CPVL: variants seen among roughly 807,000 people sequenced by gnomAD.
The protein encoded by CPVL is carboxypeptidase vitellogenic like, also known as probable serine carboxypeptidase CPVL.
CPVL carries 51 observed loss-of-function variants against 63.7 expected under a neutral mutation model. The ratio of observed to expected loss-of-function variants is 0.80; its 90% CI spans 0.64 to 1.01. The LOEUF (loss-of-function observed/expected upper bound fraction) is 1.01. Ranked by LOEUF, CPVL falls within the 50% of genes least tolerant of loss-of-function variation. The pLI, the probability that CPVL is intolerant of heterozygous loss-of-function variation, is 0.00. For missense variants in CPVL, 530 were observed against 573.1 expected (o/e 0.92, Z 0.77); for synonymous variants, 195 against 206.0 (o/e 0.95, Z 0.46).
chr7:29,072,826 C>T (rs897321945), intron 7 of CPVL, among the ~76,000 whole-genome samples: 1 of 152,112 alleles, frequency 6.6e-6, no homozygotes. Context: ...GATAATGCTG[C>T]AAATTTTGAA....
At chr7:29,138,575 G>T (rs1255180427) in intron 1 of CPVL, among the ~76,000 whole-genome samples, 1 of 152,110 alleles carries the variant, frequency 6.6e-6, no homozygotes, top group East Asian at 1.9e-4. Flanking sequence ...GTGGACAGTG[G>T]TGCCATTAAC....
rs368971030 is a variant in CPVL, at chr7:29,072,296, C to T, written c.732+5G>A. Reference sequence around the variant, plus strand: ...CAAAATAGAAAGTCAGAAGGAGAAACCTACTGATTCGGGATCAGAATATCC... The same window carrying T: ...CAAAATAGAAAGTCAGAAGGAGAAATCTACTGATTCGGGATCAGAATATCC... On this transcript the variant is annotated splice_donor_5th_base_variant and intron_variant, in intron 8 of 12. Transcript: ENST00000265394. The T allele has an allele frequency of 4.4e-5, 71 of 1,613,754 alleles. 1 individual carries two copies. The East Asian group carries it at 6.9e-4, about 16-fold the overall frequency.
chr7:29,051,941 T>G (rs1388223606), intron 11 of CPVL, among the ~76,000 whole-genome samples: 1 of 85,632 alleles, frequency 1.2e-5, no homozygotes, highest in Non-Finnish European at 3.1e-5. Context: ...TCCAAATATA[T>G]ATATGAATAT....
intron 3 of CPVL, among the ~76,000 whole-genome samples, chr7:29,104,792 T>C (rs4722887): frequency 0.1 from 15,404 of 152,290 alleles, 943 homozygotes; most frequent in Middle Eastern, 0.16. Flanking sequence ...AGTGGGCGGA[T>C]GCAGGGAGGT....
At chr7:29,057,125 A>G (rs1584123490) in intron 11 of CPVL, among the ~76,000 whole-genome samples, 1 of 151,312 alleles carries the variant, frequency 6.6e-6, no homozygotes, top group African/African-American at 2.4e-5. Context: ...TAATAAATTA[A>G]TTAATTATTT....
intron 12 of CPVL, among the ~76,000 whole-genome samples, chr7:29,017,692 T>A (rs2128140411): frequency 1.3e-5 from 2 of 152,320 alleles, no homozygotes; most frequent in Middle Eastern, 6.8e-3. Flanking sequence ...TAGGAGGTGG[T>A]CACCTTGGGT....
upstream of CPVL, among the ~76,000 whole-genome samples, chr7:29,149,718 C>T (rs1793323576): frequency 6.6e-6 from 1 of 152,080 alleles, no homozygotes; most frequent in Non-Finnish European, 1.5e-5. Flanking sequence ...TCCTTCCTCG[C>T]TGCTTCTAGG....
intron 9 of CPVL, among the ~76,000 whole-genome samples, chr7:29,069,841 T>A (rs941336041): frequency 6.8e-6 from 1 of 147,682 alleles, no homozygotes; most frequent in Non-Finnish European, 1.5e-5. Flanking sequence ...TGTAAATGCA[T>A]AGGGACAGTA....
chr7:29,071,942 G>C, intron 8 of CPVL, 38 bp from the exon 9 acceptor site: 1 of 1,611,556 alleles, frequency 6.2e-7, no homozygotes, highest in South Asian at 1.1e-5. Context: ...GTGACAAAGG[G>C]AGAGAAAGAG....
intron 1 of CPVL, among the ~76,000 whole-genome samples, chr7:29,188,919 C>G (rs1487004263): frequency 6.6e-6 from 1 of 151,692 alleles, no homozygotes; most frequent in Non-Finnish European, 1.5e-5. Flanking sequence ...GTAGGATCCC[C>G]CACAGCAAGG....
chr7:29,186,977 T>C (rs1466875741), intron 1 of CPVL, among the ~76,000 whole-genome samples: 1 of 152,142 alleles, frequency 6.6e-6, no homozygotes, highest in Non-Finnish European at 1.5e-5. Flanking sequence ...TTTCCCCAAA[T>C]GGAAAATGAG....
At chr7:29,162,679 AAG>A (rs1157035985) in intron 5 of CPVL, among the ~76,000 whole-genome samples, 1 of 151,898 alleles carries the variant, frequency 6.6e-6, no homozygotes, top group Non-Finnish European at 1.5e-5. Flanking sequence ...AAAAAAAAAA[AAG>A]AACATTATGA....
intron 6 of CPVL, among the ~76,000 whole-genome samples, chr7:29,089,673 C>T (rs944972292): frequency 1.3e-5 from 2 of 152,158 alleles, no homozygotes; most frequent in African/African-American, 4.8e-5. Context: ...ACCATCCATT[C>T]CCTAGAAAAT....
intron 12 of CPVL, among the ~76,000 whole-genome samples, chr7:29,019,949 G>GT (rs1376624449): frequency 6.6e-6 from 1 of 152,124 alleles, no homozygotes; most frequent in East Asian, 1.9e-4. Context: ...TTTGTTACTT[G>GT]TTTTTTTGGC....
At chr7:29,120,656 A>G (rs1438166888) in intron 2 of CPVL, among the ~76,000 whole-genome samples, 1 of 151,576 alleles carries the variant, frequency 6.6e-6, no homozygotes, top group Non-Finnish European at 1.5e-5. Context: ...ACCCCTCTCT[A>G]CTAAAAATAC....
intron 5 of CPVL, among the ~76,000 whole-genome samples, chr7:29,176,327 A>G (rs1271644800): frequency 1.3e-5 from 2 of 152,206 alleles, no homozygotes; most frequent in Non-Finnish European, 2.9e-5. Context: ...GATACACTGT[A>G]GGAAAGCTTC....
intron 7 of CPVL, among the ~76,000 whole-genome samples, chr7:29,081,669 C>T (rs565469497): frequency 8.5e-5 from 13 of 152,290 alleles, no homozygotes; most frequent in Admixed American, 1.3e-4. Context: ...AATGAGTTAG[C>T]GGAGCTTCTA....
chr7:29,043,842 G>A (rs1003734663), intron 11 of CPVL, among the ~76,000 whole-genome samples: 12 of 152,116 alleles, frequency 7.9e-5, no homozygotes, highest in African/African-American at 2.9e-4. Flanking sequence ...GTCGGCAGTG[G>A]GAAGTGTGAC....
intron 9 of CPVL, among the ~76,000 whole-genome samples, chr7:29,067,312 C>G (rs368582888): frequency 9.2e-5 from 14 of 152,082 alleles, no homozygotes; most frequent in Admixed American, 3.3e-4. Flanking sequence ...CAGAGAGTGA[C>G]AGGGAGGAAG....
Sources: gnomAD v4.1 joint callset for allele counts (sites outside exome capture counted in the v4.1 genomes callset) on GRCh38, gnomAD v4.1.1 for gene constraint, MANE v1.5 for transcripts, NCBI Gene and HGNC (gene_info 2026-07-23, HGNC 2026-07-21) for gene names.